FMNL3: variants seen among roughly 807,000 people sequenced by gnomAD.
FMNL3 encodes the protein formin-like protein 3.
FMNL3 carries 57 observed loss-of-function variants against 119.6 expected under a neutral mutation model. That is an observed-to-expected ratio of 0.48 (90% CI 0.39 to 0.59). The LOEUF (loss-of-function observed/expected upper bound fraction) is 0.59. Among genes scored for constraint, FMNL3 ranks in the 20% least tolerant of loss-of-function variants. FMNL3 has a pLI of 0.00. For synonymous variants in FMNL3, 491 were observed against 507.3 expected (o/e 0.97, Z 0.43); for missense variants, 1,053 against 1,323.5 (o/e 0.80, Z 3.17).
chr12:49,702,883 T>C (rs1389313527), intron 1 of FMNL3, among the ~76,000 whole-genome samples: 4 of 152,250 alleles, frequency 2.6e-5, no homozygotes, highest in South Asian at 2.1e-4. Flanking sequence ...GAACCTGATA[T>C]TTAGTCCAAG....
chr12:49,676,760 TTC>T (rs1264847756), intron 1 of FMNL3, among the ~76,000 whole-genome samples: 1 of 152,092 alleles, frequency 6.6e-6, no homozygotes, highest in Non-Finnish European at 1.5e-5. Context: ...TATTTCTGAG[TTC>T]TCTTATCTAT....
intron 8 of FMNL3, 120 bp from the exon 9 acceptor site, chr12:49,656,617 A>G: frequency 1.0e-6 from 1 of 972,492 alleles, no homozygotes; most frequent in South Asian, 1.6e-5. Context: ...GTGAGGAGAG[A>G]GGGTGGGAGA....
Position 49,636,624 on chromosome 12 carries a change from G to A in FMNL3, c.*9191C>T. On this transcript the variant is annotated 3_prime_UTR_variant, in exon 26 of 26. Transcript: ENST00000335154. ...ACCACCCTGGGTATCCCTAGCACCT[G>A]TAGGACAGCATCGTTGAAACATTAG... 1 of 1,570,324 alleles carries A rather than the reference G, an allele frequency of 6.4e-7. No individual in the cohort carries two copies. Among genetic ancestry groups the A allele is most frequent in the East Asian group, 2.3e-5 (1 of 44,348 alleles).
At chr12:49,650,932 C>T in intron 16 of FMNL3, 54 bp from the exon 17 acceptor site, 1 of 1,588,754 alleles carries the variant, frequency 6.3e-7, no homozygotes, top group Non-Finnish European at 8.6e-7. Context: ...TAGTGGAGGA[C>T]CTCATGACAG....
intron 2 of FMNL3, among the ~76,000 whole-genome samples, chr12:49,667,474 T>C (rs574383499): frequency 3.9e-5 from 6 of 152,260 alleles, no homozygotes; most frequent in South Asian, 2.1e-4. Flanking sequence ...AGCATACTAC[T>C]AGCTTACGTC....
chr12:49,702,009 A>T (rs571281330), intron 1 of FMNL3, among the ~76,000 whole-genome samples: 2 of 152,288 alleles, frequency 1.3e-5, no homozygotes, highest in East Asian at 3.9e-4. Flanking sequence ...ACTGGATAAA[A>T]AACATATATA....
chr12:49,702,406 G>A (rs1038107205), intron 1 of FMNL3, among the ~76,000 whole-genome samples: 3 of 152,148 alleles, frequency 2.0e-5, no homozygotes, highest in African/African-American at 7.2e-5. Flanking sequence ...ATTTGGTAAA[G>A]GAACTAAGAA....
chr12:49,659,679 T>C (rs1943676664), intron 5 of FMNL3: 1 of 792,668 alleles, frequency 1.3e-6, no homozygotes, highest in Non-Finnish European at 1.5e-6. Flanking sequence ...CTCCCAAAGC[T>C]CTGGGATTAC....
Position 49,647,375 on chromosome 12 carries a change from G to C in FMNL3, c.2779-7C>G. The stretch of plus-strand genomic sequence containing the variant: ...CATTCTCTTGTTCTGCTTCCTAAGA[G>C]CCATGGAAGATGGGGGGTGGGGAGT... On this transcript the variant is annotated splice_polypyrimidine_tract_variant and splice_region_variant and intron_variant, in intron 23 of 25. Coordinates refer to ENST00000335154, the MANE Select transcript of FMNL3 (RefSeq NM_175736.5). This position sits in a 1 kb window ranked among gnomAD's most constrained non-coding sequence, Gnocchi z 4.9. The C allele has an allele frequency of 6.2e-7, 1 of 1,611,094 alleles. No homozygotes were observed. The highest frequency in any genetic ancestry group is 8.5e-7 in the Non-Finnish European group (1 of 1,179,900).
At position 49,640,604 on chromosome 12, in the gene FMNL3, T is replaced by A. The variant is rs1005652188; in HGVS notation, c.*5211A>T. On this transcript the variant is annotated 3_prime_UTR_variant, in exon 26 of 26. Coordinates refer to ENST00000335154, the MANE Select transcript of FMNL3 (RefSeq NM_175736.5). ...TAGAGTCAGATTACTCCTGGTTGCT[T>A]ATTGGCTCTGAGACCTCCGTAAGTT... The A allele has an allele frequency of 6.6e-6, 1 of 152,176 alleles. No homozygotes were observed. Among genetic ancestry groups the A allele is most frequent in the Admixed American group, 6.5e-5 (1 of 15,278 alleles). 9.4% of individuals were successfully genotyped at this position (152,176 alleles called of 1,614,324 possible). A position where few individuals can be genotyped will look rare whatever the true frequency, so the allele number is the denominator to read the frequency against.
In FMNL3 at chr12:49,644,513, C is replaced by G. The variant is rs1020628535; in HGVS notation, c.*1302G>C. On this transcript the variant is annotated 3_prime_UTR_variant, in exon 26 of 26. Coordinates refer to ENST00000335154, the MANE Select transcript of FMNL3 (RefSeq NM_175736.5). ...AAGAGTCACAGGCTGTTGGACGCAG[C>G]CTGGGTGGCAGAGGGCAGGGTCATC... is the stretch of plus-strand genomic sequence containing the variant. 3 of 362,920 alleles carry G rather than the reference C, an allele frequency of 8.3e-6. No homozygotes were observed. Among genetic ancestry groups the G allele is most frequent in the Middle Eastern group, 3.9e-4 (1 of 2,596 alleles). The allele number at this position is 362,920 out of a possible 1,614,324, so 22.5% of individuals were successfully genotyped here. A position where few individuals can be genotyped will look rare whatever the true frequency, so the allele number is the denominator to read the frequency against.
At position 49,641,966 on chromosome 12, in the gene FMNL3, G is replaced by A. The variant is rs200397242; in HGVS notation, c.*3849C>T. The A allele has an allele frequency of 1.1e-5, 17 of 1,613,832 alleles. No individual in the cohort carries two copies. Among genetic ancestry groups the A allele is most frequent in the Non-Finnish European group, 1.4e-5 (17 of 1,180,048 alleles). On this transcript the variant is annotated 3_prime_UTR_variant, in exon 26 of 26. Coordinates refer to ENST00000335154, the MANE Select transcript of FMNL3 (RefSeq NM_175736.5). ...TTTGAGGACTTCGCCCACGTCATAA[G>A]CTTTGACAAGAGGGCTGCCGCACTG...
At chr12:49,705,835 G>A (rs1336879581) in intron 1 of FMNL3, among the ~76,000 whole-genome samples, 1 of 152,202 alleles carries the variant, frequency 6.6e-6, no homozygotes, top group Non-Finnish European at 1.5e-5. Context: ...GCCAGCTCTG[G>A]TGCCAGTGGG....
At chr12:49,679,616 T>A (rs1944285505) in intron 1 of FMNL3, among the ~76,000 whole-genome samples, 1 of 144,600 alleles carries the variant, frequency 6.9e-6, no homozygotes, top group Non-Finnish European at 1.5e-5. Flanking sequence ...AGCCTCGACC[T>A]CTTGGGCTCA....
intron 1 of FMNL3, among the ~76,000 whole-genome samples, chr12:49,676,526 T>A (rs1439875871): frequency 2.1e-5 from 2 of 96,444 alleles, no homozygotes; most frequent in Non-Finnish European, 3.7e-5. Context: ...GTGGGTTTTT[T>A]TTTTTTTTTT....
At chr12:49,661,808 G>T (rs1592657867) in intron 5 of FMNL3, 158 bp downstream of exon 5, 2 of 674,284 alleles carry the variant, frequency 3.0e-6, no homozygotes, top group Non-Finnish European at 5.3e-6. Context: ...CTCCGGGCTT[G>T]CCTGCCTACT....
intron 13 of FMNL3, 27 bp from the exon 14 acceptor site, chr12:49,652,239 GAA>G: frequency 3.1e-6 from 5 of 1,603,254 alleles, no homozygotes; most frequent in Non-Finnish European, 4.3e-6. Context: ...ACCATTAAGG[GAA>G]AAGTGGGCTG....
rs1170864154 is a variant in FMNL3, at chr12:49,653,327, G to C, written c.1222C>G (p.Leu408Val). 2 of 1,613,836 alleles carry C rather than the reference G, an allele frequency of 1.2e-6. No individual in the cohort carries two copies. Among genetic ancestry groups the C allele is most frequent in the Non-Finnish European group, 1.7e-6 (2 of 1,180,008 alleles). The change falls in exon 13 of 26, where the codon CTC (leucine) becomes GTC (valine). Residue 408 changes from leucine (L) to valine (V), a missense_variant and splice_region_variant. Coordinates refer to ENST00000335154, the MANE Select transcript of FMNL3 (RefSeq NM_175736.5). ...TCTAGGTCCAGAAGCTTCTCTGTGA[G>C]CTGCACAACAGGAAGGGCAGGTTCT... ...VEELEEHVSH[L>V]TEKLLDLENE...
In FMNL3 at chr12:49,643,418, T is replaced by TA; in HGVS notation, c.*2396dup. 1 of 1,535,156 alleles carries TA rather than the reference T, an allele frequency of 6.5e-7. No homozygotes were observed. The highest frequency in any genetic ancestry group is 8.7e-7 in the Non-Finnish European group (1 of 1,143,722). On this transcript the variant is annotated 3_prime_UTR_variant, in exon 26 of 26. Coordinates refer to ENST00000335154, the MANE Select transcript of FMNL3 (RefSeq NM_175736.5). ...AGCAGGTAAGCAGTTGCTGTGAGCG[T>TA]AGAAGCTGGAGAACTGTTGTCCCAG... is the stretch of plus-strand genomic sequence containing the variant.
Sources: gnomAD v4.1 joint callset for allele counts (sites outside exome capture counted in the v4.1 genomes callset) on GRCh38, gnomAD v4.1.1 for gene constraint, Gnocchi (gnomAD v3.1) non-coding constraint, MANE v1.5 for transcripts, NCBI Gene and HGNC (gene_info 2026-07-23, HGNC 2026-07-21) for gene names.